Variants in IGF2BP2 observed in about 807,000 individuals in gnomAD.
The protein encoded by IGF2BP2 is insulin like growth factor 2 mRNA binding protein 2, also known as insulin-like growth factor 2 mRNA-binding protein 2.
A neutral mutation model predicts 75.8 loss-of-function variants in IGF2BP2; 17 were observed. The ratio of observed to expected loss-of-function variants is 0.22; its 90% CI spans 0.15 to 0.34. The LOEUF (loss-of-function observed/expected upper bound fraction) is 0.34, where lower values mean the gene tolerates loss of function less well. Among genes scored for constraint, IGF2BP2 ranks in the 10% least tolerant of loss-of-function variants. The pLI is 1.00. For missense variants in IGF2BP2, 516 were observed against 772.4 expected (o/e 0.67, Z 3.93); for synonymous variants, 288 against 295.6 (o/e 0.97, Z 0.26).
At chr3:185,777,470 G>A (rs1452727411) in intron 2 of IGF2BP2, among the ~76,000 whole-genome samples, 1 of 151,988 alleles carries the variant, frequency 6.6e-6, no homozygotes, top group Non-Finnish European at 1.5e-5. Context: ...TAGCCTGGGT[G>A]ACAGAGCAAG....
intron 2 of IGF2BP2, among the ~76,000 whole-genome samples, chr3:185,816,522 C>G (rs1292418816): frequency 6.6e-6 from 1 of 152,192 alleles, no homozygotes; most frequent in African/African-American, 2.4e-5. Context: ...ACAACACATT[C>G]AGCTGACTTC....
At chr3:185,802,132 T>C (rs1313090958) in intron 2 of IGF2BP2, among the ~76,000 whole-genome samples, 1 of 152,140 alleles carries the variant, frequency 6.6e-6, no homozygotes, top group Non-Finnish European at 1.5e-5. Context: ...TATACCTATG[T>C]AACAAACCTG....
intron 5 of IGF2BP2, among the ~76,000 whole-genome samples, chr3:185,692,027 G>A (rs977344287): frequency 6.6e-6 from 1 of 152,154 alleles, no homozygotes; most frequent in African/African-American, 2.4e-5. Flanking sequence ...GAGCCACCAT[G>A]CCTGGCCTCA....
intron 2 of IGF2BP2, among the ~76,000 whole-genome samples, chr3:185,792,460 T>G (rs1286557775): frequency 6.6e-6 from 1 of 151,060 alleles, no homozygotes; most frequent in Non-Finnish European, 1.5e-5. Flanking sequence ...CAAAAATTAT[T>G]TTTTTTTTTG....
chr3:185,789,390 G>A (rs2149848022), intron 2 of IGF2BP2, among the ~76,000 whole-genome samples: 1 of 152,200 alleles, frequency 6.6e-6, no homozygotes, highest in Admixed American at 6.5e-5. Flanking sequence ...TCTTCCCTGG[G>A]ATTTGTCAAA....
chr3:185,746,422 A>G (rs1343463821), intron 2 of IGF2BP2, among the ~76,000 whole-genome samples: 1 of 152,138 alleles, frequency 6.6e-6, no homozygotes, highest in Non-Finnish European at 1.5e-5. Flanking sequence ...GAGCAACTCC[A>G]TGTTCTCCCA....
At chr3:185,786,489 T>G (rs1016352861) in intron 2 of IGF2BP2, among the ~76,000 whole-genome samples, 2 of 152,174 alleles carry the variant, frequency 1.3e-5, no homozygotes, top group African/African-American at 4.8e-5. Flanking sequence ...ATTAACCTTG[T>G]TAAATTCCTT....
chr3:185,804,318 G>C (rs1738693128), intron 2 of IGF2BP2, among the ~76,000 whole-genome samples: 1 of 151,092 alleles, frequency 6.6e-6, no homozygotes, highest in African/African-American at 2.4e-5. Context: ...TGTAATCCCA[G>C]CTACTCGGGA....
At chr3:185,813,071 AAAT>A (rs1439755477) in intron 2 of IGF2BP2, among the ~76,000 whole-genome samples, 1 of 152,200 alleles carries the variant, frequency 6.6e-6, no homozygotes, top group Non-Finnish European at 1.5e-5. Flanking sequence ...CGTGATGTAG[AAAT>A]AATTATATTA....
intron 2 of IGF2BP2, among the ~76,000 whole-genome samples, chr3:185,806,080 A>C (rs1738988021): frequency 6.6e-6 from 1 of 152,180 alleles, no homozygotes; most frequent in South Asian, 2.1e-4. Flanking sequence ...CTGGGATTAC[A>C]GGCATGAGCC....
At chr3:185,652,005 G>T in intron 13 of IGF2BP2, 89 bp downstream of exon 13, 1 of 960,534 alleles carries the variant, frequency 1.0e-6, no homozygotes, top group Non-Finnish European at 1.5e-6. Flanking sequence ...AATGGAGGCT[G>T]GGCCTCCAAA....
chr3:185,659,780 G>C (rs1413116764), intron 10 of IGF2BP2, among the ~76,000 whole-genome samples: 2 of 151,700 alleles, frequency 1.3e-5, no homozygotes, highest in African/African-American at 4.8e-5. Context: ...CCTATGAGAA[G>C]GAACTATGTC....
intron 2 of IGF2BP2, among the ~76,000 whole-genome samples, chr3:185,757,383 GT>G (rs1220086420): frequency 1.4e-5 from 2 of 147,058 alleles, no homozygotes; most frequent in African/African-American, 5.0e-5. Flanking sequence ...CAGGGTTGTT[GT>G]TTTTATATTT....
In IGF2BP2 at chr3:185,786,773, A is replaced by AT. The variant is rs201817805; in HGVS notation, c.239+36379dup. Among the ~76,000 whole-genome samples the AT allele has an allele frequency of 1.6e-3, 241 of 152,028 alleles. 3 individuals carry two copies. The highest frequency in any genetic ancestry group is 5.0e-3 in the African/African-American group (207 of 41,466). ...AAGATACGTGGAAACCTACATATAC[A>AT]TTTTTTTTCATCAAAATCTGAAAGG... On this transcript the variant is annotated intron_variant, in intron 2 of 15. Coordinates refer to ENST00000382199, the MANE Select transcript of IGF2BP2 (RefSeq NM_006548.6).
chr3:185,675,075 T>G (rs1426587628), intron 9 of IGF2BP2: 1 of 371,732 alleles, frequency 2.7e-6, no homozygotes, highest in African/African-American at 2.1e-5. Context: ...AAGCTTTTCC[T>G]TATTTCAGTC....
intron 2 of IGF2BP2, among the ~76,000 whole-genome samples, chr3:185,786,059 C>T (rs936190455): frequency 4.6e-5 from 7 of 151,122 alleles, no homozygotes; most frequent in African/African-American, 1.5e-4. Flanking sequence ...CTTTCATTAT[C>T]GCTCCCCTAA....
At chr3:185,673,526 C>T (rs954503599) in intron 9 of IGF2BP2, among the ~76,000 whole-genome samples, 1 of 152,170 alleles carries the variant, frequency 6.6e-6, no homozygotes, top group Non-Finnish European at 1.5e-5. Context: ...TACATTTCTA[C>T]ATGGGGATGG....
chr3:185,739,215 T>C (rs926682866), intron 2 of IGF2BP2, among the ~76,000 whole-genome samples: 3 of 152,192 alleles, frequency 2.0e-5, no homozygotes, highest in Admixed American at 6.5e-5. Flanking sequence ...CCATTGCAAC[T>C]GTACTAGGTT....
chr3:185,772,736 C>A (rs949715935), intron 2 of IGF2BP2, among the ~76,000 whole-genome samples: 3 of 152,118 alleles, frequency 2.0e-5, no homozygotes, highest in Non-Finnish European at 4.4e-5. Context: ...CATGCGCCAC[C>A]ATGCCCAGCT....
Sources: allele counts gnomAD v4.1 joint callset (sites outside exome capture counted in the v4.1 genomes callset), GRCh38; gene constraint gnomAD v4.1.1; transcripts MANE v1.5; gene names NCBI Gene and HGNC (gene_info 2026-07-23, HGNC 2026-07-21).